The following CEP164 variants were observed in gnomAD, a reference collection of about 807,000 sequenced individuals.
The protein encoded by CEP164 is centrosomal protein 164.
CEP164 carries 162 observed loss-of-function variants against 182.7 expected under a neutral mutation model. The ratio of observed to expected loss-of-function variants is 0.89; its 90% confidence interval spans 0.78 to 1.01. The LOEUF (loss-of-function observed/expected upper bound fraction) is 1.01, where lower values mean the gene tolerates loss of function less well. Ranked by LOEUF, CEP164 falls within the 50% of genes least tolerant of loss-of-function variation. The probability of loss-of-function intolerance (pLI) is 0.00; values close to 1 mark genes in which losing one functional copy is unlikely to be tolerated. For missense variants in CEP164, 1,735 were observed against 1,790.4 expected (o/e 0.97, Z 0.56); for synonymous variants, 661 against 690.0 (o/e 0.96, Z 0.66).
chr11:117,375,704 C>A lies in CEP164; in HGVS notation c.1234-4C>A, dbSNP rs1468021131. 1 of 1,613,932 alleles carries A rather than the reference C, an allele frequency of 6.2e-7. No individual in the cohort carries two copies. Among genetic ancestry groups the A allele is most frequent in the African/African-American group, 1.3e-5 (1 of 74,904 alleles). The stretch of plus-strand genomic sequence containing the variant: ...GTTGACCTTTGCATCTCCACTGTCT[C>A]CAGGACTTCGGTTTTCGCAGCCGGA... On this transcript the variant is annotated splice_region_variant and splice_polypyrimidine_tract_variant and intron_variant, in intron 10 of 32. Coordinates refer to ENST00000278935, the MANE Select transcript of CEP164 (RefSeq NM_014956.5).
At position 117,392,603 on chromosome 11, in the gene CEP164, T is replaced by C. The variant is rs779997647; in HGVS notation, c.2469T>C (p.Tyr823=). Reference sequence around the variant, plus strand: ...AGCACAGAGTTCACCAGAAGTCTTATCACGTGGCTGGGTATGAGCACGAGG... The same window carrying C: ...AGCACAGAGTTCACCAGAAGTCTTACCACGTGGCTGGGTATGAGCACGAGG... ...QVEHRVHQKS[Y]HVAGYEHELS... is the part of the protein sequence containing the mutation. The change falls in exon 19 of 33, where the codon TAT becomes TAC. Residue 823 remains tyrosine, a synonymous_variant. Coordinates refer to ENST00000278935, the MANE Select transcript of CEP164 (RefSeq NM_014956.5). 1.1e-5 allele frequency: 17 copies of C among 1,614,000 alleles called. No homozygotes were observed. Among genetic ancestry groups the C allele is most frequent in the Middle Eastern group, 1.6e-4 (1 of 6,084 alleles).
intron 15 of CEP164, 114 bp from the exon 16 acceptor site, chr11:117,390,663 A>T: frequency 7.5e-5 from 82 of 1,097,106 alleles, no homozygotes; most frequent in Middle Eastern, 3.0e-4. Flanking sequence ...AAAAAGATTT[A>T]GGAAGTTTCT....
chr11:117,405,026 A>C (rs1180892641), intron 27 of CEP164, among the ~76,000 whole-genome samples: 1 of 152,206 alleles, frequency 6.6e-6, no homozygotes, highest in Non-Finnish European at 1.5e-5. Context: ...CGGGCATCCC[A>C]GGTCTACTTC....
rs370850033 is a variant in CEP164, at chr11:117,354,937, G to T, written c.393+2949G>T. The T allele has an allele frequency of 4.5e-4, 575 of 1,279,906 alleles. 8 individuals are homozygous for T. In the South Asian group the frequency reaches 6.7e-3, roughly 15 times the overall value. 79.3% of individuals were successfully genotyped at this position (1,279,906 alleles called of 1,614,324 possible). Reference sequence around the variant, plus strand: ...ATGTTTATATACCCATCTAGGAAACGCAGCCTGAGGAGGGACTTCTGCCTC... The same window carrying T: ...ATGTTTATATACCCATCTAGGAAACTCAGCCTGAGGAGGGACTTCTGCCTC... On this transcript the variant is annotated intron_variant, in intron 5 of 32. Transcript: ENST00000278935.
intron 16 of CEP164, 43 bp from the exon 17 acceptor site, chr11:117,390,956 C>A (rs1231591087): frequency 6.2e-7 from 1 of 1,613,924 alleles, no homozygotes; most frequent in Non-Finnish European, 8.5e-7. Context: ...GGAGGCGACC[C>A]CAGGGTGCAC....
intron 6 of CEP164, 128 bp downstream of exon 6, chr11:117,362,121 T>C (rs1244558382): frequency 9.3e-6 from 9 of 965,420 alleles, no homozygotes; most frequent in Non-Finnish European, 1.2e-5. Flanking sequence ...CGTAATCCAG[T>C]TGGGAAAATG....
In CEP164 at chr11:117,409,091, T is replaced by A. The variant is rs1431094378; in HGVS notation, c.3748+63T>A. 19 of 1,601,488 alleles carry A rather than the reference T, an allele frequency of 1.2e-5. No individual in the cohort carries two copies. The highest frequency in any genetic ancestry group is 1.4e-5 in the Non-Finnish European group (16 of 1,172,104). On this transcript the variant is annotated intron_variant, in intron 29 of 32. Transcript: ENST00000278935. This position sits in a 1 kb window ranked among gnomAD's most constrained non-coding sequence, Gnocchi z 4.4. ...CATGGAATGGGAGGAACTTGGGGAA[T>A]AGAAGAAGAGCTCTCTTCCCTCAGC...
At position 117,373,719 on chromosome 11, in the gene CEP164, T is replaced by A. The variant is rs150613493; in HGVS notation, c.1153-32T>A. 1.1e-3 allele frequency: 1,752 copies of A among 1,595,474 alleles called. 18 individuals carry two copies. In the African/African-American group the frequency reaches 0.021, roughly 19 times the overall value. On this transcript the variant is annotated intron_variant, in intron 9 of 32. Transcript: ENST00000278935. ...GACCATGACTCTTTGTGCTCTGCTC[T>A]GAGGGATTTCTCTGTGGGTCTGTCT...
At chr11:117,392,447 C>T (rs1386197755) in intron 18 of CEP164, 49 bp from the exon 19 acceptor site, 1 of 1,594,496 alleles carries the variant, frequency 6.3e-7, no homozygotes, top group Non-Finnish European at 8.5e-7. Flanking sequence ...AGCAGCTGTA[C>T]AGTCTGTCTG....
intron 27 of CEP164, among the ~76,000 whole-genome samples, chr11:117,398,865 C>A (rs1028303567): frequency 1.4e-4 from 21 of 152,352 alleles, no homozygotes; most frequent in African/African-American, 4.8e-4. Context: ...CCCATGAAGA[C>A]CTATGACATG....
intron 4 of CEP164, among the ~76,000 whole-genome samples, chr11:117,349,383 T>C (rs1252613199): frequency 6.6e-6 from 1 of 152,256 alleles, no homozygotes; most frequent in African/African-American, 2.4e-5. Context: ...CTGCTGTGAT[T>C]ATTGGTATAC....
intron 3 of CEP164, among the ~76,000 whole-genome samples, chr11:117,343,702 C>T (rs978077982): frequency 6.7e-6 from 1 of 148,536 alleles, no homozygotes; most frequent in Non-Finnish European, 1.5e-5. Context: ...GTGATCTCGG[C>T]TCACTGCAAC....
At position 117,394,626 on chromosome 11, in the gene CEP164, T is replaced by C; in HGVS notation, c.2760+133T>C. 8.0e-7 allele frequency: 1 copy of C among 1,242,412 alleles called. No individual in the cohort carries two copies. Among genetic ancestry groups the C allele is most frequent in the South Asian group, 1.5e-5 (1 of 65,598 alleles). The allele number at this position is 1,242,412 out of a possible 1,614,324, so 77.0% of individuals were successfully genotyped here. ...GAGTGAGAGTCTCTCACTGGCCATC[T>C]CCAAGCTGGGGCATCCTTGTTACTT... On this transcript the variant is annotated intron_variant, in intron 21 of 32. Coordinates refer to ENST00000278935, the MANE Select transcript of CEP164 (RefSeq NM_014956.5). The surrounding 1 kb of genome is among the most constrained non-coding windows in gnomAD (Gnocchi z 4.0).
At chr11:117,379,875 T>TA (rs2043135806) in intron 11 of CEP164, among the ~76,000 whole-genome samples, 1 of 143,646 alleles carries the variant, frequency 7.0e-6, no homozygotes, top group African/African-American at 2.5e-5. Flanking sequence ...TTTTTTTTTT[T>TA]AAACCAACTT....
In CEP164 at chr11:117,371,363, A is replaced by G. The variant is rs1369743665; in HGVS notation, c.1049A>G (p.Asp350Gly). The change falls in exon 9 of 33, where the codon GAC becomes GGC. Residue 350 changes from aspartate (D) to glycine (G), a missense_variant. By Grantham distance (94) the Asp-to-Gly change is moderately conservative (BLOSUM62 -1). Coordinates refer to ENST00000278935, the MANE Select transcript of CEP164 (RefSeq NM_014956.5). The stretch of plus-strand genomic sequence containing the variant: ...GCCTCTGAAAAGGAAGCACCAGAGG[A>G]CACAGTAGATGCAGGAGAGGAGGGT... ...AKASEKEAPE[D>G]TVDAGEEGSR... 11 of 1,614,222 alleles carry G rather than the reference A, an allele frequency of 6.8e-6. No individual in the cohort carries two copies. The highest frequency in any genetic ancestry group is 8.5e-6 in the Non-Finnish European group (10 of 1,180,026).
At chr11:117,398,646 T>C (rs2045791608) in intron 27 of CEP164, among the ~76,000 whole-genome samples, 1 of 152,220 alleles carries the variant, frequency 6.6e-6, no homozygotes, top group Non-Finnish European at 1.5e-5. Flanking sequence ...AGCCGCAGGC[T>C]CAACACCACA....
intron 15 of CEP164, among the ~76,000 whole-genome samples, chr11:117,389,401 T>C (rs972221932): frequency 6.6e-6 from 1 of 152,216 alleles, no homozygotes; most frequent in African/African-American, 2.4e-5. Context: ...TGGATGATGC[T>C]GTTCAAATTC....
At chr11:117,403,278 A>G (rs996111273) in intron 27 of CEP164, among the ~76,000 whole-genome samples, 10 of 152,162 alleles carry the variant, frequency 6.6e-5, no homozygotes, top group Non-Finnish European at 1.0e-4. Flanking sequence ...GGTCTTTACA[A>G]TTTGGCATGT....
intron 5 of CEP164, chr11:117,355,761 C>G (rs965445387): frequency 8.9e-7 from 1 of 1,121,842 alleles, no homozygotes. Flanking sequence ...AAGGATATCC[C>G]AGGAAGCTGC....
Sources: allele counts gnomAD v4.1 joint callset (sites outside exome capture counted in the v4.1 genomes callset), GRCh38; gene constraint gnomAD v4.1.1; non-coding constraint Gnocchi (gnomAD v3.1); transcripts MANE v1.5; gene names NCBI Gene and HGNC (gene_info 2026-07-23, HGNC 2026-07-21).